The following PDE8A variants were observed in gnomAD, a reference collection of about 807,000 sequenced individuals.
The protein encoded by PDE8A is phosphodiesterase 8A.
Under a neutral mutation model 105.0 loss-of-function variants are expected in PDE8A, and 59 were observed. The ratio of observed to expected loss-of-function variants is 0.56; its 90% confidence interval spans 0.46 to 0.70. PDE8A has a LOEUF of 0.70. PDE8A is among the 30% of genes least tolerant of loss of function. The pLI is 0.00. For synonymous variants in PDE8A, 355 were observed against 371.9 expected, an observed-to-expected ratio of 0.95 and a Z score of 0.52; for missense variants, 1,014 against 1,045.9, an observed-to-expected ratio of 0.97 and a Z score of 0.42.
At chr15:85,088,088 G>A (rs188767221) in intron 6 of PDE8A, among the ~76,000 whole-genome samples, 1 of 152,230 alleles carries the variant, frequency 6.6e-6, no homozygotes, top group East Asian at 1.9e-4. Context: ...ATGCAATCTC[G>A]GCTCACTGCA....
At chr15:85,083,445 T>C (rs1262192122) in intron 5 of PDE8A, 111 bp from the exon 6 acceptor site, 1 of 649,524 alleles carries the variant, frequency 1.5e-6, no homozygotes, top group Admixed American at 2.5e-5. Context: ...TGATAAAGTA[T>C]TTTTTAGATT....
intron 1 of PDE8A, among the ~76,000 whole-genome samples, chr15:85,013,142 G>A (rs1463047579): frequency 6.6e-6 from 1 of 152,218 alleles, no homozygotes; most frequent in Admixed American, 6.5e-5. Flanking sequence ...AACAGGGGAA[G>A]CAGAGAGATG....
intron 1 of PDE8A, among the ~76,000 whole-genome samples, chr15:85,019,157 T>G (rs1378225683): frequency 2.0e-5 from 3 of 152,174 alleles, no homozygotes; most frequent in Non-Finnish European, 4.4e-5. Context: ...TGTGAGGAAC[T>G]TAGGAGTTAA....
chr15:85,038,503 A>G (rs2141388744), intron 1 of PDE8A, among the ~76,000 whole-genome samples: 1 of 152,338 alleles, frequency 6.6e-6, no homozygotes, highest in Middle Eastern at 3.4e-3. Context: ...AAATTGCATC[A>G]AACTAAAAAG....
At chr15:85,038,902 A>G (rs1567242574) in intron 1 of PDE8A, among the ~76,000 whole-genome samples, 1 of 152,160 alleles carries the variant, frequency 6.6e-6, no homozygotes, top group Non-Finnish European at 1.5e-5. Flanking sequence ...CAGGCAGATC[A>G]CCTGAGGTTA....
chr15:85,105,240 G>A (rs756457679), intron 11 of PDE8A, among the ~76,000 whole-genome samples: 2 of 152,062 alleles, frequency 1.3e-5, no homozygotes, highest in Admixed American at 6.6e-5. Flanking sequence ...TTTGGTCTGT[G>A]CCTGGAGAAA....
At chr15:85,012,026 A>G (rs1303565615) in intron 1 of PDE8A, among the ~76,000 whole-genome samples, 19 of 152,352 alleles carry the variant, frequency 1.2e-4, no homozygotes, top group South Asian at 2.1e-4. Flanking sequence ...TAGAAAGGCA[A>G]TCATTAAAAA....
chr15:85,027,441 C>T (rs952377394), intron 1 of PDE8A, among the ~76,000 whole-genome samples: 5 of 152,146 alleles, frequency 3.3e-5, no homozygotes, highest in Non-Finnish European at 5.9e-5. Context: ...TTTCTACCTT[C>T]AGTGTTGAAA....
At position 84,984,665 on chromosome 15, in the gene PDE8A, G is replaced by A. The variant is rs578168220; in HGVS notation, c.186+2317G>A. Among the ~76,000 whole-genome samples the A allele has an allele frequency of 8.5e-5, 13 of 152,246 alleles. No individual in the cohort carries two copies. The South Asian group carries it at 2.3e-3, about 27-fold the overall frequency. On this transcript the variant is annotated intron_variant, in intron 1 of 21. Transcript: ENST00000394553. ...TTAGGTTAAGCAGTATGTACTTTGCGTTAAAGTGTATCCTGCATGTGTTCT... is the reference window on the plus strand; with the variant it reads ...TTAGGTTAAGCAGTATGTACTTTGCATTAAAGTGTATCCTGCATGTGTTCT...
At chr15:85,025,039 A>G (rs1000487551) in intron 1 of PDE8A, among the ~76,000 whole-genome samples, 1 of 152,260 alleles carries the variant, frequency 6.6e-6, no homozygotes, top group African/African-American at 2.4e-5. Flanking sequence ...TGGAGCAAAC[A>G]TGCTGTGTAT....
rs2081245334 is a variant in PDE8A at position 85,067,313 on chromosome 15, A to C, written c.434+109A>C. ...CTCTCTTTTAAGTTGCTTTCCATGC[A>C]TGTGAAATAAACAAAATATTAGAAC... On this transcript the variant is annotated intron_variant, in intron 3 of 21. Coordinates refer to ENST00000394553, the MANE Select transcript of PDE8A (RefSeq NM_002605.3). The C allele has an allele frequency of 8.4e-6, 6 of 713,974 alleles. No individual in the cohort carries two copies. The South Asian group carries it at 9.5e-5, about 11-fold the overall frequency. 44.2% of individuals were successfully genotyped at this position (713,974 alleles called of 1,614,324 possible).
chr15:85,129,714 T>A (rs1415870984), intron 20 of PDE8A, among the ~76,000 whole-genome samples: 1 of 152,178 alleles, frequency 6.6e-6, no homozygotes, highest in East Asian at 1.9e-4. Flanking sequence ...CTTTATTATT[T>A]CCTTCCTTTT....
At chr15:85,086,247 A>C (rs2081550891) in intron 6 of PDE8A, among the ~76,000 whole-genome samples, 1 of 152,364 alleles carries the variant, frequency 6.6e-6, no homozygotes, top group East Asian at 1.9e-4. Context: ...AAAAGTGGAC[A>C]TACATAATTG....
At chr15:85,073,142 C>G (rs867349296) in intron 3 of PDE8A, among the ~76,000 whole-genome samples, 3 of 152,092 alleles carry the variant, frequency 2.0e-5, no homozygotes, top group Admixed American at 6.5e-5. Context: ...GTGGGGACTT[C>G]CCTGAGTACT....
At chr15:85,092,243 A>G (rs1275250425) in intron 8 of PDE8A, among the ~76,000 whole-genome samples, 1 of 152,150 alleles carries the variant, frequency 6.6e-6, no homozygotes, top group African/African-American at 2.4e-5. Context: ...GCAGGGGCCC[A>G]GTGAAGCCCT....
At position 85,075,988 on chromosome 15, in the gene PDE8A, A is replaced by AG; in HGVS notation, c.491+70_491+71insG. The AG allele has an allele frequency of 3.7e-6, 3 of 805,218 alleles. No individual in the cohort carries two copies. In the South Asian group the frequency reaches 4.8e-5, roughly 13 times the overall value. The allele number at this position is 805,218 out of a possible 1,614,324, so 49.9% of individuals were successfully genotyped here. A position where few individuals can be genotyped will look rare whatever the true frequency, so the allele number is the denominator to read the frequency against. ...ATACTTGCTCTTAACAGATGGCCAA[A>AG]TAACAGCTTGCATGCTGTGTCAGGC... On this transcript the variant is annotated intron_variant, in intron 4 of 21. Coordinates refer to ENST00000394553, the MANE Select transcript of PDE8A (RefSeq NM_002605.3).
chr15:84,992,807 G>A (rs1414829940), intron 1 of PDE8A, among the ~76,000 whole-genome samples: 3 of 152,176 alleles, frequency 2.0e-5, no homozygotes, highest in Non-Finnish European at 4.4e-5. Flanking sequence ...GCCACAATTT[G>A]TACAGTGCTT....
intron 8 of PDE8A, among the ~76,000 whole-genome samples, chr15:85,092,493 G>A (rs1331919871): frequency 6.6e-6 from 1 of 152,054 alleles, no homozygotes; most frequent in Non-Finnish European, 1.5e-5. Context: ...TACTCAGAAG[G>A]AGGCCACAGA....
At chr15:84,991,044 A>T (rs767572185) in intron 1 of PDE8A, among the ~76,000 whole-genome samples, 1 of 151,998 alleles carries the variant, frequency 6.6e-6, no homozygotes, top group Non-Finnish European at 1.5e-5. Flanking sequence ...GTCTTTTTAA[A>T]GTTTTTATTT....
Sources: gnomAD v4.1 joint callset for allele counts (sites outside exome capture counted in the v4.1 genomes callset) on GRCh38, gnomAD v4.1.1 for gene constraint, MANE v1.5 for transcripts, NCBI Gene and HGNC (gene_info 2026-07-23, HGNC 2026-07-21) for gene names.